Variants in DLGAP4 observed in about 807,000 individuals in gnomAD.
The protein encoded by DLGAP4 is DLG associated protein 4.
In DLGAP4, 18 loss-of-function variants were observed where a neutral mutation model predicts 86.9. That is an observed-to-expected ratio of 0.21 (90% CI 0.14 to 0.31). DLGAP4 has a LOEUF of 0.31. Among genes scored for constraint, DLGAP4 ranks in the 10% least tolerant of loss-of-function variants. The probability of loss-of-function intolerance (pLI) is 1.00; values close to 1 mark genes in which losing one functional copy is unlikely to be tolerated. For synonymous variants in DLGAP4, 548 were observed against 574.3 expected, an observed-to-expected ratio of 0.95 and a Z score of 0.65; for missense variants, 1,085 against 1,362.6, an observed-to-expected ratio of 0.80 and a Z score of 3.21.
chr20:36,458,935 G>C (rs1425631579), intron 7 of DLGAP4, among the ~76,000 whole-genome samples: 1 of 152,142 alleles, frequency 6.6e-6, no homozygotes, highest in African/African-American at 2.4e-5. Context: ...AACAGCTAAG[G>C]GGTGATGAGA....
rs1003234274 is a variant in DLGAP4 at position 36,393,193 on chromosome 20, G to A, written c.-73+25918G>A. ...AGTCATTAGGGCAGAAGGGGTGGAAGGGGGTGATTCAAATCCCAGGGGATG... is the reference window on the plus strand; with the variant it reads ...AGTCATTAGGGCAGAAGGGGTGGAAAGGGGTGATTCAAATCCCAGGGGATG... On this transcript the variant is annotated intron_variant, in intron 2 of 12. Transcript: ENST00000339266. This position sits in a 1 kb window ranked among gnomAD's most constrained non-coding sequence, Gnocchi z 4.4. 2.0e-5 allele frequency among the ~76,000 whole-genome samples: 3 copies of A among 152,130 alleles called. No homozygotes were observed. Among genetic ancestry groups the A allele is most frequent in the African/African-American group, 4.8e-5 (2 of 41,412 alleles).
chr20:36,468,686 A>T (rs1186449825), intron 7 of DLGAP4, among the ~76,000 whole-genome samples: 1 of 152,254 alleles, frequency 6.6e-6, no homozygotes, highest in Non-Finnish European at 1.5e-5. Context: ...GCTTTGGCAG[A>T]TACTCTGAGC....
At chr20:36,428,606 C>A (rs1362371632) in intron 2 of DLGAP4, among the ~76,000 whole-genome samples, 2 of 152,340 alleles carry the variant, frequency 1.3e-5, no homozygotes, top group East Asian at 3.9e-4. Context: ...ATCCAGCCCC[C>A]ACACTGTCCC....
chr20:36,423,345 A>G (rs2032881727), intron 2 of DLGAP4, among the ~76,000 whole-genome samples: 1 of 145,992 alleles, frequency 6.8e-6, no homozygotes, highest in South Asian at 2.3e-4. Flanking sequence ...AATCCCAGCT[A>G]TTGAGGAGGC....
At chr20:36,323,252 C>T (rs989306298) in intron 1 of DLGAP4, among the ~76,000 whole-genome samples, 1 of 149,266 alleles carries the variant, frequency 6.7e-6, no homozygotes, top group African/African-American at 2.5e-5. Context: ...TTGCCTTTTC[C>T]AATTAATTCC....
intron 10 of DLGAP4, among the ~76,000 whole-genome samples, chr20:36,506,607 C>G (rs954868195): frequency 3.3e-5 from 5 of 152,164 alleles, no homozygotes; most frequent in African/African-American, 1.2e-4. Flanking sequence ...CTTGTCTAAA[C>G]CTGAAGAACT....
chr20:36,405,470 G>C (rs562438607), intron 2 of DLGAP4, among the ~76,000 whole-genome samples: 4 of 152,308 alleles, frequency 2.6e-5, no homozygotes, highest in South Asian at 2.1e-4. Context: ...ACATGCGAGG[G>C]AGGCTGGGAC....
At chr20:36,318,777 G>A (rs1217089579) in intron 1 of DLGAP4, among the ~76,000 whole-genome samples, 1 of 152,204 alleles carries the variant, frequency 6.6e-6, no homozygotes, top group Non-Finnish European at 1.5e-5. Flanking sequence ...TGGAAATGAG[G>A]TGTTCATAGC....
At chr20:36,466,977 C>T (rs926455836) in intron 7 of DLGAP4, among the ~76,000 whole-genome samples, 1 of 143,412 alleles carries the variant, frequency 7.0e-6, no homozygotes, top group Non-Finnish European at 1.5e-5. Flanking sequence ...TCTCTCTCCT[C>T]TCTCTCTCTC....
intron 8 of DLGAP4, chr20:36,499,102 A>G (rs550846139): frequency 2.1e-4 from 168 of 815,444 alleles, no homozygotes; most frequent in Non-Finnish European, 3.0e-4. Context: ...TTTCTGCCAC[A>G]GGGTTCAGGG....
rs116619411 is a variant in DLGAP4 at position 36,408,443 on chromosome 20, G to A, written c.-72-23203G>A. On this transcript the variant is annotated intron_variant, in intron 2 of 12. Transcript: ENST00000339266. ...CCGTCATTGGTTGAGGGCTGCTTCCGCGGGCATCATCTCCCGGATATTTCC... is the reference window on the plus strand; with the variant it reads ...CCGTCATTGGTTGAGGGCTGCTTCCACGGGCATCATCTCCCGGATATTTCC... 7.2e-3 allele frequency among the ~76,000 whole-genome samples: 1,097 copies of A among 152,296 alleles called. 17 individuals are homozygous for A. Among genetic ancestry groups the A allele is most frequent in the African/African-American group, 0.025 (1,059 of 41,564 alleles).
intron 2 of DLGAP4, among the ~76,000 whole-genome samples, chr20:36,377,575 C>T (rs752324150): frequency 2.6e-5 from 4 of 152,216 alleles, no homozygotes; most frequent in South Asian, 2.1e-4. Context: ...GAGCCTCAGG[C>T]GCCTCTGCTC....
intron 2 of DLGAP4, among the ~76,000 whole-genome samples, chr20:36,405,200 C>T (rs1203680608): frequency 1.3e-5 from 2 of 152,168 alleles, no homozygotes. Context: ...AGGTTGGAGT[C>T]AGGAAGATGT....
intron 1 of DLGAP4, among the ~76,000 whole-genome samples, chr20:36,327,173 T>C (rs2065223802): frequency 6.6e-6 from 1 of 151,934 alleles, no homozygotes; most frequent in Non-Finnish European, 1.5e-5. Flanking sequence ...CTAGTGTTTG[T>C]ATTTTTAGTA....
chr20:36,332,447 T>C (rs1397288168), intron 1 of DLGAP4, among the ~76,000 whole-genome samples: 3 of 152,172 alleles, frequency 2.0e-5, no homozygotes, highest in African/African-American at 7.2e-5. Context: ...TGGAGTGCAG[T>C]GGCACGATCT....
In DLGAP4 at chr20:36,396,204, C is replaced by A. The variant is rs568148975; in HGVS notation, c.-73+28929C>A. Among the ~76,000 whole-genome samples the A allele has an allele frequency of 3.9e-5, 6 of 151,990 alleles. No homozygotes were observed. The East Asian group carries it at 1.2e-3, about 29-fold the overall frequency. On this transcript the variant is annotated intron_variant, in intron 2 of 12. Transcript: ENST00000339266. ...GGGTGACCTTGGGCCAGCATCTGCC[C>A]CTCAGCACCGCAGAAGTGCAGTGAG...
chr20:36,361,800 C>G (rs1282045582), intron 1 of DLGAP4, among the ~76,000 whole-genome samples: 1 of 151,446 alleles, frequency 6.6e-6, no homozygotes, highest in African/African-American at 2.4e-5. Flanking sequence ...TGGTGAAACC[C>G]CCATCTCTAC....
chr20:36,479,861 T>G (rs1303263787), intron 7 of DLGAP4, among the ~76,000 whole-genome samples: 1 of 152,084 alleles, frequency 6.6e-6, no homozygotes, highest in African/African-American at 2.4e-5. Context: ...GACCCCTCAT[T>G]TCTGCCCCAG....
At chr20:36,513,016 A>G (rs536311583) in intron 10 of DLGAP4, among the ~76,000 whole-genome samples, 136 of 126,228 alleles carry the variant, frequency 1.1e-3, no homozygotes, top group African/African-American at 4.1e-3. Context: ...CAGCGGCGCA[A>G]TTTTGGCTGA....
Sources: allele counts gnomAD v4.1 joint callset (sites outside exome capture counted in the v4.1 genomes callset), GRCh38; gene constraint gnomAD v4.1.1; non-coding constraint Gnocchi (gnomAD v3.1); transcripts MANE v1.5; gene names NCBI Gene and HGNC (gene_info 2026-07-23, HGNC 2026-07-21).